Variants in ZNF891 observed in about 807,000 individuals in gnomAD.
The protein encoded by ZNF891 is hCG1646157.
For missense variants in ZNF891, 589 were observed against 632.7 expected (o/e 0.93, Z 0.74); for synonymous variants, 199 against 209.0 (o/e 0.95, Z 0.41).
intron 1 of ZNF891, among the ~76,000 whole-genome samples, chr12:133,129,425 C>G (rs1222432559): frequency 1.4e-5 from 2 of 148,112 alleles, no homozygotes; most frequent in Non-Finnish European, 3.0e-5. Flanking sequence ...CACTTGAACC[C>G]GGGAGGCGGA....
At chr12:133,126,601 A>G (rs375106078) in intron 1 of ZNF891, among the ~76,000 whole-genome samples, 1 of 151,716 alleles carries the variant, frequency 6.6e-6, no homozygotes, top group East Asian at 1.9e-4. Flanking sequence ...ACTTCAGGTC[A>G]GAATTCTAAG....
At position 133,121,171 on chromosome 12, in the gene ZNF891, A is replaced by G. The variant is rs1202617824; in HGVS notation, c.748T>C (p.Cys250Arg). 1 of 1,535,476 alleles carries G rather than the reference A, an allele frequency of 6.5e-7. No individual in the cohort carries two copies. Among genetic ancestry groups the G allele is most frequent in the South Asian group, 1.2e-5 (1 of 84,036 alleles). ...ISEKLYESHECDTTLWHFQRN... is the reference protein window; with the variant it reads ...ISEKLYESHERDTTLWHFQRN... ...TGAAAATGCCATAGAGTTGTATCACATTCATGACTTTCATAGAGCTTCTCA... is the reference window on the plus strand; with the variant it reads ...TGAAAATGCCATAGAGTTGTATCACGTTCATGACTTTCATAGAGCTTCTCA... Residue 250 changes from cysteine to arginine, a missense_variant, in exon 2 of 2, where the codon TGT (cysteine) becomes CGT (arginine). Coordinates refer to ENST00000537226, the MANE Select transcript of ZNF891 (RefSeq NM_001277291.2).
Position 133,116,237 on chromosome 12 carries a change from T to G in ZNF891, c.*4047A>C, listed in dbSNP as rs1029779085. 1 of 152,120 alleles carries G rather than the reference T, an allele frequency of 6.6e-6. No individual in the cohort carries two copies. The highest frequency in any genetic ancestry group is 6.6e-5 in the Admixed American group (1 of 15,266). 9.4% of individuals were successfully genotyped at this position (152,120 alleles called of 1,614,324 possible). A position where few individuals can be genotyped will look rare whatever the true frequency, so the allele number is the denominator to read the frequency against. Reference sequence around the variant, plus strand: ...CTCCTGCCTCAGCCTCCCGAGTAGCTGGTACTACAGGCGCCCACCACCACA... The same window carrying G: ...CTCCTGCCTCAGCCTCCCGAGTAGCGGGTACTACAGGCGCCCACCACCACA... On this transcript the variant is annotated 3_prime_UTR_variant, in exon 2 of 2. Transcript: ENST00000537226.
At chr12:133,127,244 C>T (rs894660674) in intron 1 of ZNF891, among the ~76,000 whole-genome samples, 1 of 152,052 alleles carries the variant, frequency 6.6e-6, no homozygotes, top group South Asian at 2.1e-4. Flanking sequence ...GGATTACAGG[C>T]GTGAGCCACG....
chr12:133,108,925 A>G lies in ZNF891; in HGVS notation c.*11359T>C, dbSNP rs1211446274. 1 of 152,196 alleles carries G rather than the reference A, an allele frequency of 6.6e-6. No individual in the cohort carries two copies. The highest frequency in any genetic ancestry group is 1.5e-5 in the Non-Finnish European group (1 of 68,006). 9.4% of individuals were successfully genotyped at this position (152,196 alleles called of 1,614,324 possible). A position where few individuals can be genotyped will look rare whatever the true frequency, so the allele number is the denominator to read the frequency against. ...GCAAAATCTTCTTAGATATCTGAAA[A>G]GTCATACTGGATGGAATCCAGTGTC... On this transcript the variant is annotated 3_prime_UTR_variant, in exon 2 of 2. Transcript: ENST00000537226.
In ZNF891 at chr12:133,110,388, TAAA is replaced by T. The variant is rs1955674826; in HGVS notation, c.*9893_*9895del. 6.6e-6 allele frequency: 1 copy of T among 152,148 alleles called. No individual in the cohort carries two copies. The highest frequency in any genetic ancestry group is 1.5e-5 in the Non-Finnish European group (1 of 68,024). 9.4% of individuals were successfully genotyped at this position (152,148 alleles called of 1,614,324 possible). Reference sequence around the variant, plus strand: ...TATTCTTCAGGAAAAAAAAGTTTTTTAAAAGAAGTCTCCCAAAAGGTTATTAAA... The same window carrying T: ...TATTCTTCAGGAAAAAAAAGTTTTTTAGAAGTCTCCCAAAAGGTTATTAAA... On this transcript the variant is annotated 3_prime_UTR_variant, in exon 2 of 2. Transcript: ENST00000537226.
In ZNF891 at chr12:133,120,544, C is replaced by G. The variant is rs2173970; in HGVS notation, c.1375G>C (p.Val459Leu). The G allele has an allele frequency of 0.24, 379,404 of 1,565,168 alleles. 48,575 individuals carry two copies. The highest frequency in any genetic ancestry group is 0.26 in the Non-Finnish European group (303,094 of 1,156,534). Residue 459 changes from valine (V) to leucine (L), a missense_variant, in exon 2 of 2, where the codon GTT becomes CTT. Coordinates refer to ENST00000537226, the MANE Select transcript of ZNF891 (RefSeq NM_001277291.2). ...VHKKIHTGEN[V>L]YECSDCGKVF... Reference sequence around the variant, plus strand: ...TTCCCACAGTCACTGCATTCATAAACATTCTCTCCGGTATGAATTTTCTTA... The same window carrying G: ...TTCCCACAGTCACTGCATTCATAAAGATTCTCTCCGGTATGAATTTTCTTA...
chr12:133,121,260 T>C lies in ZNF891; in HGVS notation c.659A>G (p.Tyr220Cys). 1 of 1,535,764 alleles carries C rather than the reference T, an allele frequency of 6.5e-7. No homozygotes were observed. The highest frequency in any genetic ancestry group is 8.7e-7 in the Non-Finnish European group (1 of 1,146,838). ...GTGTTTCAAACATCCAATCTCTGAG[T>C]AACATTTTTGGCAATGTTTACTGGT... ...IFTSKHCQKC[Y>C]SEIGCLKHNS... The change falls in exon 2 of 2, where the codon TAC (tyrosine) becomes TGC (cysteine). Residue 220 changes from tyrosine (Y) to cysteine (C), a missense_variant. Physicochemically the swap from Tyr to Cys is radical, Grantham distance 194 (BLOSUM62 -2). Transcript: ENST00000537226.
In ZNF891 at chr12:133,120,684, G is replaced by T. The variant is rs1203902716; in HGVS notation, c.1235C>A (p.Ser412Tyr). 1 of 1,561,172 alleles carries T rather than the reference G, an allele frequency of 6.4e-7. No individual in the cohort carries two copies. Among genetic ancestry groups the T allele is most frequent in the South Asian group, 1.2e-5 (1 of 85,078 alleles). The change falls in exon 2 of 2, where the codon TCC (serine) becomes TAC (tyrosine). Residue 412 changes from serine (S) to tyrosine (Y), a missense_variant. Coordinates refer to ENST00000537226, the MANE Select transcript of ZNF891 (RefSeq NM_001277291.2). ...TATAAGGTAAGAGCTTGTGCCAAAG[G>T]ATTTTCCACACTGATTACATTCATA... is the stretch of plus-strand genomic sequence containing the variant. ...KPYECNQCGK[S>Y]FGTSSYLIVH...
In ZNF891 at chr12:133,107,744, A is replaced by G. The variant is rs1322295156; in HGVS notation, c.*12540T>C. 2 of 152,192 alleles carry G rather than the reference A, an allele frequency of 1.3e-5. No individual in the cohort carries two copies. The highest frequency in any genetic ancestry group is 2.9e-5 in the Non-Finnish European group (2 of 68,022). 9.4% of individuals were successfully genotyped at this position (152,192 alleles called of 1,614,324 possible). On this transcript the variant is annotated 3_prime_UTR_variant, in exon 2 of 2. Transcript: ENST00000537226. Reference sequence around the variant, plus strand: ...CGTTCTTTTGTAAGCAGGTATTTAAAACTGTTCTGGCATTACCACCTGCCC... The same window carrying G: ...CGTTCTTTTGTAAGCAGGTATTTAAGACTGTTCTGGCATTACCACCTGCCC...
chr12:133,121,973 C>CCTT lies in ZNF891; in HGVS notation c.-56_-55insAAG. 1 of 1,448,916 alleles carries CCTT rather than the reference C, an allele frequency of 6.9e-7. No individual in the cohort carries two copies. The allele number at this position is 1,448,916 out of a possible 1,614,324, so 89.8% of individuals were successfully genotyped here. A position where few individuals can be genotyped will look rare whatever the true frequency, so the allele number is the denominator to read the frequency against. On this transcript the variant is annotated 5_prime_UTR_variant, in exon 2 of 2. Transcript: ENST00000537226. The stretch of plus-strand genomic sequence containing the variant: ...GTAGAGAGATCAGGATGTTTCTGTT[C>CCTT]TTGTGTCTCCAATCCAGTCACAGGA...
chr12:133,108,133 A>G lies in ZNF891; in HGVS notation c.*12151T>C, dbSNP rs1184052026. 1 of 152,148 alleles carries G rather than the reference A, an allele frequency of 6.6e-6. No homozygotes were observed. Among genetic ancestry groups the G allele is most frequent in the Non-Finnish European group, 1.5e-5 (1 of 68,024 alleles). 9.4% of individuals were successfully genotyped at this position (152,148 alleles called of 1,614,324 possible). Reference sequence around the variant, plus strand: ...TTCAGAGAGGCTGATTTATCTTACAATAGTGTACAGTCTGACTCGAATACA... The same window carrying G: ...TTCAGAGAGGCTGATTTATCTTACAGTAGTGTACAGTCTGACTCGAATACA... On this transcript the variant is annotated 3_prime_UTR_variant, in exon 2 of 2. Transcript: ENST00000537226.
At position 133,106,576 on chromosome 12, in the gene ZNF891, G is replaced by GAC. The variant is rs748726814; in HGVS notation, c.*13706_*13707dup. On this transcript the variant is annotated 3_prime_UTR_variant, in exon 2 of 2. Transcript: ENST00000537226. ...GCTCAAACCTTGCTAAACATCAGAG[G>GAC]ACACACACTCTTGACAACCCCTATG... 5.0e-6 allele frequency: 8 copies of GAC among 1,613,556 alleles called. No homozygotes were observed. The highest frequency in any genetic ancestry group is 6.8e-6 in the Non-Finnish European group (8 of 1,179,930).
In ZNF891 at chr12:133,120,685, A is replaced by G. The variant is rs867827951; in HGVS notation, c.1234T>C (p.Ser412Pro). The G allele has an allele frequency of 3.2e-6, 5 of 1,555,178 alleles. No individual in the cohort carries two copies. The highest frequency in any genetic ancestry group is 1.4e-5 in the African/African-American group (1 of 70,924). The change falls in exon 2 of 2, where the codon TCC becomes CCC. Residue 412 changes from serine (S) to proline (P), a missense_variant. Coordinates refer to ENST00000537226, the MANE Select transcript of ZNF891 (RefSeq NM_001277291.2). Reference sequence around the variant, plus strand: ...ATAAGGTAAGAGCTTGTGCCAAAGGATTTTCCACACTGATTACATTCATAA... The same window carrying G: ...ATAAGGTAAGAGCTTGTGCCAAAGGGTTTTCCACACTGATTACATTCATAA... ...KPYECNQCGK[S>P]FGTSSYLIVH...
In ZNF891 at chr12:133,118,129, G is replaced by C. The variant is rs968821674; in HGVS notation, c.*2155C>G. The C allele has an allele frequency of 2.0e-5, 3 of 151,982 alleles. No individual in the cohort carries two copies. Among genetic ancestry groups the C allele is most frequent in the African/African-American group, 7.3e-5 (3 of 41,348 alleles). The allele number at this position is 151,982 out of a possible 1,614,324, so 9.4% of individuals were successfully genotyped here. On this transcript the variant is annotated 3_prime_UTR_variant, in exon 2 of 2. Coordinates refer to ENST00000537226, the MANE Select transcript of ZNF891 (RefSeq NM_001277291.2). ...CCCGGCTAATTTTTGTATTTTAGTA[G>C]AACCAGGGTTTCACCATGTTGGCCA...
chr12:133,125,115 T>C (rs565938423), intron 1 of ZNF891, among the ~76,000 whole-genome samples: 7 of 152,330 alleles, frequency 4.6e-5, no homozygotes, highest in African/African-American at 1.7e-4. Context: ...GTCAAAGAAA[T>C]GAATTTTAAA....
chr12:133,120,769 C>G lies in ZNF891; in HGVS notation c.1150G>C (p.Ala384Pro). ...KPYECNQCGK[A>P]FSQKTSLKAH... ...TTAAGGGATGTTTTTTGACTGAAAG[C>G]TTTTCCACATTGATTACATTCATAG... The change falls in exon 2 of 2, where the codon GCT becomes CCT. Residue 384 changes from alanine to proline, a missense_variant. Coordinates refer to ENST00000537226, the MANE Select transcript of ZNF891 (RefSeq NM_001277291.2). 6.4e-7 allele frequency: 1 copy of G among 1,569,814 alleles called. No individual in the cohort carries two copies. Among genetic ancestry groups the G allele is most frequent in the East Asian group, 2.4e-5 (1 of 42,442 alleles).
At chr12:133,126,573 A>G (rs902363439) in intron 1 of ZNF891, among the ~76,000 whole-genome samples, 1 of 150,474 alleles carries the variant, frequency 6.6e-6, no homozygotes, top group Non-Finnish European at 1.5e-5. Flanking sequence ...GCACTTTGGG[A>G]GCCGAGGTAG....
At chr12:133,127,746 C>T (rs73427927) in intron 1 of ZNF891, among the ~76,000 whole-genome samples, 1 of 152,174 alleles carries the variant, frequency 6.6e-6, no homozygotes, top group Non-Finnish European at 1.5e-5. Context: ...GGTATGCCAG[C>T]GTGCTGCATG....
Sources: allele counts gnomAD v4.1 joint callset (sites outside exome capture counted in the v4.1 genomes callset), GRCh38; gene constraint gnomAD v4.1.1; transcripts MANE v1.5; gene names NCBI Gene and HGNC (gene_info 2026-07-23, HGNC 2026-07-21).